ATP6V0A1: variants seen among roughly 807,000 people sequenced by gnomAD.
ATP6V0A1 encodes ATPase H+ transporting V0 subunit a1.
ATP6V0A1 carries 43 observed loss-of-function variants against 105.4 expected under a neutral mutation model. The ratio of observed to expected loss-of-function variants is 0.41; its 90% CI spans 0.32 to 0.53. The LOEUF (loss-of-function observed/expected upper bound fraction) is 0.53. Among genes scored for constraint, ATP6V0A1 ranks in the 20% least tolerant of loss-of-function variants. ATP6V0A1 has a pLI of 0.30. For missense variants in ATP6V0A1, 676 were observed against 1,051.1 expected (o/e 0.64, Z 4.93); for synonymous variants, 362 against 372.8 (o/e 0.97, Z 0.33).
chr17:42,508,482 C>T (rs2092160711), intron 18 of ATP6V0A1, 90 bp from the exon 19 acceptor site: 1 of 1,545,826 alleles, frequency 6.5e-7, no homozygotes, highest in African/African-American at 1.4e-5. Flanking sequence ...GAACAGTCCT[C>T]CCCAAGAAGC....
chr17:42,513,745 G>A, intron 19 of ATP6V0A1, 116 bp from the exon 20 acceptor site: 1 of 944,484 alleles, frequency 1.1e-6, no homozygotes, highest in Non-Finnish European at 1.7e-6. Context: ...GCCATCCATG[G>A]GAAGTGCAGT....
At chr17:42,466,577 C>T (rs536115891) in intron 3 of ATP6V0A1, 70 bp downstream of exon 3, 3 of 1,299,654 alleles carry the variant, frequency 2.3e-6, no homozygotes, top group South Asian at 1.3e-5. Context: ...GACATTAGTC[C>T]TCTTAATAGA....
intron 21 of ATP6V0A1, chr17:42,518,939 G>A (rs540455830): frequency 1.2e-4 from 19 of 152,432 alleles, no homozygotes; most frequent in African/African-American, 4.1e-4. Flanking sequence ...GCGGGAGAGA[G>A]TGGGGAGACT....
At chr17:42,494,878 C>G in intron 12 of ATP6V0A1, 156 bp from the exon 13 acceptor site, 1 of 702,178 alleles carries the variant, frequency 1.4e-6, no homozygotes, top group Admixed American at 2.7e-5. Context: ...AAGTGACTGT[C>G]TCATTAGCAT....
chr17:42,483,530 C>T (rs569144807), intron 9 of ATP6V0A1, among the ~76,000 whole-genome samples: 39 of 152,250 alleles, frequency 2.6e-4, no homozygotes, highest in Non-Finnish European at 4.9e-4. Flanking sequence ...GCCTCAGCCT[C>T]CTGAGTAGCT....
At chr17:42,478,702 T>C (rs2089093711) in intron 7 of ATP6V0A1, 113 bp downstream of exon 7, 2 of 1,179,384 alleles carry the variant, frequency 1.7e-6, no homozygotes, top group African/African-American at 1.6e-5. Flanking sequence ...CCATTATCTT[T>C]ATCTCTGCTC....
rs2092827172 is a variant in ATP6V0A1, at chr17:42,521,263, GTCC to G, written c.*148_*150del. On this transcript the variant is annotated 3_prime_UTR_variant, in exon 22 of 22. Coordinates refer to ENST00000343619, the MANE Select transcript of ATP6V0A1 (RefSeq NM_001130021.3). This position sits in a 1 kb window ranked among gnomAD's most constrained non-coding sequence, Gnocchi z 4.8. Reference sequence around the variant, plus strand: ...GTCTGTGAGTCATTTAGATAGAATAGTCCTCCTTGGGTCTCCCACCACCCCTAG... The same window carrying G: ...GTCTGTGAGTCATTTAGATAGAATAGTCCTTGGGTCTCCCACCACCCCTAG... The G allele has an allele frequency of 9.2e-6, 6 of 654,754 alleles. No individual in the cohort carries two copies. Among genetic ancestry groups the G allele is most frequent in the Non-Finnish European group, 1.2e-5 (5 of 408,804 alleles). 40.6% of individuals were successfully genotyped at this position (654,754 alleles called of 1,614,324 possible).
chr17:42,489,528 G>GA (rs889191608), intron 10 of ATP6V0A1, among the ~76,000 whole-genome samples: 1 of 151,796 alleles, frequency 6.6e-6, no homozygotes, highest in African/African-American at 2.4e-5. Flanking sequence ...TTGACAATGG[G>GA]AAAAAAAATG....
intron 10 of ATP6V0A1, among the ~76,000 whole-genome samples, chr17:42,488,312 A>G (rs1399266125): frequency 6.6e-6 from 1 of 152,232 alleles, no homozygotes; most frequent in African/African-American, 2.4e-5. Context: ...TTAGCTGAAG[A>G]GAAGTACCTG....
At chr17:42,461,512 C>T (rs186110497) in intron 2 of ATP6V0A1, among the ~76,000 whole-genome samples, 212 of 152,246 alleles carry the variant, frequency 1.4e-3, no homozygotes, top group African/African-American at 4.9e-3. Flanking sequence ...CAGTGGCTCA[C>T]GCCTATAATC....
At chr17:42,495,760 CACTA>C (rs746401254) in intron 14 of ATP6V0A1, 44 bp downstream of exon 14, 1 of 1,459,662 alleles carries the variant, frequency 6.9e-7, no homozygotes, top group African/African-American at 1.4e-5. Flanking sequence ...AATTTTTTAA[CACTA>C]ACCCTGAAGC....
intron 10 of ATP6V0A1, among the ~76,000 whole-genome samples, chr17:42,489,868 G>A (rs1482105714): frequency 1.3e-5 from 2 of 152,110 alleles, no homozygotes; most frequent in African/African-American, 4.8e-5. Context: ...AAAAAGGTTG[G>A]GGTCTTGCAA....
intron 15 of ATP6V0A1, 57 bp downstream of exon 15, chr17:42,499,099 TA>T (rs77920152): frequency 0.071 from 89,916 of 1,258,410 alleles, 3,820 homozygotes; most frequent in East Asian, 0.17. Context: ...TGCTTTTGTG[TA>T]AAGAAATCAT....
intron 4 of ATP6V0A1, among the ~76,000 whole-genome samples, chr17:42,468,618 A>G (rs555432280): frequency 1.3e-5 from 2 of 152,234 alleles, no homozygotes; most frequent in African/African-American, 2.4e-5. Flanking sequence ...GCTCCCACAT[A>G]TGAGTGAAAA....
At chr17:42,518,600 G>A (rs1030390401) in intron 21 of ATP6V0A1, 4 of 152,242 alleles carry the variant, frequency 2.6e-5, no homozygotes, top group African/African-American at 7.2e-5. Flanking sequence ...TCACCCACTC[G>A]AGGAAACAGA....
At chr17:42,505,080 A>C (rs1003101437) in intron 17 of ATP6V0A1, among the ~76,000 whole-genome samples, 1 of 149,898 alleles carries the variant, frequency 6.7e-6, no homozygotes, top group African/African-American at 2.5e-5. Flanking sequence ...TCTGTCACCC[A>C]GCTGTAGTGC....
At position 42,514,401 on chromosome 17, in the gene ATP6V0A1, G is replaced by A; in HGVS notation, c.2361G>A (p.Val787=). The A allele has an allele frequency of 2.5e-6, 4 of 1,613,638 alleles. No individual in the cohort carries two copies. Among genetic ancestry groups the A allele is most frequent in the Non-Finnish European group, 3.4e-6 (4 of 1,179,770 alleles). Reference sequence around the variant, plus strand: ...TCACTGCCTTTGCCACCCTGACCGTGGCCATCCTCCTGATCATGGAGGGCC... The same window carrying A: ...TCACTGCCTTTGCCACCCTGACCGTAGCCATCCTCCTGATCATGGAGGGCC... The part of the protein sequence containing the change: ...FFFTAFATLT[V]AILLIMEGLS... The change falls in exon 21 of 22, where the codon GTG becomes GTA. Residue 787 remains valine (V), a synonymous_variant. Coordinates refer to ENST00000343619, the MANE Select transcript of ATP6V0A1 (RefSeq NM_001130021.3).
At chr17:42,495,605 A>C (rs746365840) in intron 13 of ATP6V0A1, 21 bp from the exon 14 acceptor site, 2 of 1,578,138 alleles carry the variant, frequency 1.3e-6, no homozygotes, top group Non-Finnish European at 1.7e-6. Context: ...AAATAATGTG[A>C]CTTTTTCCCT....
At chr17:42,462,072 G>A (rs1258567042) in intron 2 of ATP6V0A1, among the ~76,000 whole-genome samples, 4 of 150,086 alleles carry the variant, frequency 2.7e-5, no homozygotes, top group Admixed American at 6.7e-5. Flanking sequence ...AAAAAATGCC[G>A]GATGTGGTGG....
Sources: allele counts gnomAD v4.1 joint callset (sites outside exome capture counted in the v4.1 genomes callset), GRCh38; gene constraint gnomAD v4.1.1; non-coding constraint Gnocchi (gnomAD v3.1); transcripts MANE v1.5; gene names NCBI Gene and HGNC (gene_info 2026-07-23, HGNC 2026-07-21).